NDUFS7: variants seen among roughly 807,000 people sequenced by gnomAD.
NDUFS7 encodes the protein NADH:ubiquinone oxidoreductase core subunit S7.
Under a neutral mutation model 31.1 loss-of-function variants are expected in NDUFS7, and 11 were observed. That is an observed-to-expected ratio of 0.35 (90% confidence interval 0.22 to 0.59). NDUFS7 has a LOEUF of 0.59. Among genes scored for constraint, NDUFS7 ranks in the 20% least tolerant of loss-of-function variants. The probability of loss-of-function intolerance (pLI) is 0.79; values close to 1 mark genes in which losing one functional copy is unlikely to be tolerated. For missense variants in NDUFS7, 263 were observed against 324.2 expected (o/e 0.81, Z 1.45); for synonymous variants, 136 against 127.9 (o/e 1.06, Z -0.43).
chr19:1,392,850 C>G, intron 6 of NDUFS7: 1 of 318,700 alleles, frequency 3.1e-6, no homozygotes, highest in Non-Finnish European at 6.1e-6. Flanking sequence ...TGGACCCCAG[C>G]GCCTCACTGA....
chr19:1,388,295 G>C (rs953371517), intron 2 of NDUFS7: 4 of 611,268 alleles, frequency 6.5e-6, no homozygotes, highest in Non-Finnish European at 1.2e-5. Context: ...GGACACTGTT[G>C]ACCTGCTGGG....
At chr19:1,391,299 C>A in intron 6 of NDUFS7, 134 bp downstream of exon 6, 1 of 1,142,730 alleles carries the variant, frequency 8.8e-7, no homozygotes. Flanking sequence ...GCCCTTCAGC[C>A]GTCTCGGTGC....
rs1471267047 is a variant in NDUFS7 at position 1,388,582 on chromosome 19, T to C, written c.111T>C (p.Asp37=). 1.9e-6 allele frequency: 3 copies of C among 1,612,200 alleles called. No individual in the cohort carries two copies. The African/African-American group carries it at 4.0e-5, about 22-fold the overall frequency. The change falls in exon 3 of 8, where the codon GAT becomes GAC. Residue 37 remains aspartate (D), a synonymous_variant. Transcript: ENST00000233627. ...GTGTCCATCAGAGCGTGGCCACCGA[T>C]GGCCCAAGCAGGTGAAGCTGGCCTT... is the stretch of plus-strand genomic sequence containing the variant. The part of the protein sequence containing the change: ...ARGVHQSVAT[D]GPSSTQPALP...
In NDUFS7 at chr19:1,393,038, G is replaced by C. The variant is rs2082567824; in HGVS notation, c.456-204G>C. On this transcript the variant is annotated intron_variant, in intron 6 of 7. Coordinates refer to ENST00000233627, the MANE Select transcript of NDUFS7 (RefSeq NM_024407.5). This position sits in a 1 kb window ranked among gnomAD's most constrained non-coding sequence, Gnocchi z 7.3. The stretch of plus-strand genomic sequence containing the variant: ...GGGAGCACTTTTCCCCGAGTTATCA[G>C]CCACGTGTGAGCTTGCGCCCCACTG... 1.6e-6 allele frequency: 1 copy of C among 606,238 alleles called. No individual in the cohort carries two copies. The highest frequency in any genetic ancestry group is 1.9e-5 in the South Asian group (1 of 51,924). 37.6% of individuals were successfully genotyped at this position (606,238 alleles called of 1,614,324 possible).
intron 4 of NDUFS7, 178 bp downstream of exon 4, chr19:1,389,116 A>C (rs1327020731): frequency 4.2e-6 from 3 of 707,852 alleles, no homozygotes; most frequent in Non-Finnish European, 7.7e-6. Flanking sequence ...CACGGACCAC[A>C]CGCACACTCA....
intron 1 of NDUFS7, among the ~76,000 whole-genome samples, chr19:1,385,558 C>A (rs1303059103): frequency 1.3e-5 from 2 of 151,366 alleles, no homozygotes; most frequent in African/African-American, 4.9e-5. Context: ...GTGGCTCAGG[C>A]CTGTAATCCC....
At position 1,395,499 on chromosome 19, in the gene NDUFS7, G is replaced by C; in HGVS notation, c.*11G>C. 6.4e-7 allele frequency: 1 copy of C among 1,564,742 alleles called. No individual in the cohort carries two copies. The highest frequency in any genetic ancestry group is 1.2e-5 in the South Asian group (1 of 85,026). On this transcript the variant is annotated 3_prime_UTR_variant, in exon 8 of 8. Coordinates refer to ENST00000233627, the MANE Select transcript of NDUFS7 (RefSeq NM_024407.5). ...TGGTACCGCAGGTAGCGCCGCCGCC[G>C]CCGCCGCCGGAGCCTGTCGCCGTCC...
At chr19:1,394,375 G>A (rs1400305713) in intron 7 of NDUFS7, 3 of 1,289,214 alleles carry the variant, frequency 2.3e-6, no homozygotes, top group Middle Eastern at 2.1e-4. Context: ...GCAGACCAAT[G>A]GGGCAAGTTG....
chr19:1,388,529 A>G lies in NDUFS7; in HGVS notation c.58A>G (p.Ser20Gly). ...RGFRILGLRS[S>G]VGPAVQARGV... ...CCGCGTTCCATCTCCCGGCAGCTCCAGCGTGGGCCCGGCTGTGCAGGCACG... is the reference window on the plus strand; with the variant it reads ...CCGCGTTCCATCTCCCGGCAGCTCCGGCGTGGGCCCGGCTGTGCAGGCACG... The change falls in exon 3 of 8, where the codon AGC becomes GGC. Residue 20 changes from serine (S) to glycine (G), a missense_variant. Ser to Gly is a moderately conservative substitution (Grantham distance 56, BLOSUM62 0). Coordinates refer to ENST00000233627, the MANE Select transcript of NDUFS7 (RefSeq NM_024407.5). 6.2e-7 allele frequency: 1 copy of G among 1,611,052 alleles called. No homozygotes were observed. Among genetic ancestry groups the G allele is most frequent in the African/African-American group, 1.3e-5 (1 of 74,912 alleles).
intron 4 of NDUFS7, chr19:1,390,545 A>ACT: frequency 2.0e-6 from 1 of 489,662 alleles, no homozygotes; most frequent in South Asian, 2.2e-5. Flanking sequence ...CTGCGCTACT[A>ACT]CTCGCCTGTA....
At chr19:1,392,988 C>A in intron 6 of NDUFS7, 1 of 577,100 alleles carries the variant, frequency 1.7e-6, no homozygotes, top group South Asian at 2.0e-5. Context: ...CCCCGGGAAT[C>A]GGTGGTCAGG....
Position 1,393,409 on chromosome 19 carries a change from G to T in NDUFS7, c.544+79G>T, listed in dbSNP as rs1273010577. The T allele has an allele frequency of 1.6e-6, 2 of 1,223,956 alleles. No homozygotes were observed. The highest frequency in any genetic ancestry group is 2.0e-5 in the Admixed American group (1 of 50,576). The allele number at this position is 1,223,956 out of a possible 1,614,324, so 75.8% of individuals were successfully genotyped here. Reference sequence around the variant, plus strand: ...CACGGAGCCCGGCGGCCCCTGTGAGGGAGTCCCACACCCCCAGCAGACGGC... The same window carrying T: ...CACGGAGCCCGGCGGCCCCTGTGAGTGAGTCCCACACCCCCAGCAGACGGC... On this transcript the variant is annotated intron_variant, in intron 7 of 7. Transcript: ENST00000233627. The surrounding 1 kb of genome is among the most constrained non-coding windows in gnomAD (Gnocchi z 7.3).
At chr19:1,389,092 T>C (rs2082531519) in intron 4 of NDUFS7, 154 bp downstream of exon 4, 1 of 740,160 alleles carries the variant, frequency 1.4e-6, no homozygotes, top group East Asian at 2.7e-5. Context: ...CTCACATGTA[T>C]GGACAGATGT....
In NDUFS7 at chr19:1,383,954, A is replaced by C. The variant is rs2144603557; in HGVS notation, c.16+12A>C. On this transcript the variant is annotated intron_variant, in intron 1 of 7. Transcript: ENST00000233627. ...GGCGGTGCTGTCAGGTGAGCGCGGC[A>C]CCGGCGGCGGGTGTGGGGCCGCGCG... 1.3e-6 allele frequency: 2 copies of C among 1,567,514 alleles called. No homozygotes were observed. The highest frequency in any genetic ancestry group is 1.7e-6 in the Non-Finnish European group (2 of 1,158,472).
At chr19:1,389,203 A>G (rs1228021835) in intron 4 of NDUFS7, 2 of 684,292 alleles carry the variant, frequency 2.9e-6, no homozygotes, top group Admixed American at 2.1e-5. Flanking sequence ...ATGTGCACAC[A>G]CGCTTGCACA....
intron 1 of NDUFS7, 199 bp downstream of exon 1, chr19:1,384,141 G>A: frequency 1.7e-6 from 1 of 591,450 alleles, no homozygotes; most frequent in African/African-American, 2.0e-5. Context: ...AGTACAGTCG[G>A]GGAAACCGAG....
chr19:1,394,984 C>A (rs2082586060), intron 7 of NDUFS7: 18 of 1,129,056 alleles, frequency 1.6e-5, no homozygotes, highest in Middle Eastern at 4.0e-4. Flanking sequence ...CACCTCCCCT[C>A]CCTCCGCCCA....
intron 3 of NDUFS7, 101 bp from the exon 4 acceptor site, chr19:1,388,732 T>C: frequency 1.4e-6 from 2 of 1,440,382 alleles, no homozygotes; most frequent in Non-Finnish European, 1.9e-6. Flanking sequence ...CCTGACCTCA[T>C]GTGGGTCCAG....
At chr19:1,384,044 C>A in intron 1 of NDUFS7, 102 bp downstream of exon 1, 2 of 1,310,950 alleles carry the variant, frequency 1.5e-6, no homozygotes, top group South Asian at 1.5e-5. Context: ...GCGTCGTGGC[C>A]GCGGTCCTCT....
Sources: allele counts gnomAD v4.1 joint callset (sites outside exome capture counted in the v4.1 genomes callset), GRCh38; gene constraint gnomAD v4.1.1; non-coding constraint Gnocchi (gnomAD v3.1); transcripts MANE v1.5; gene names NCBI Gene and HGNC (gene_info 2026-07-23, HGNC 2026-07-21).